The following THSD7B variants were observed in gnomAD, a reference collection of about 807,000 sequenced individuals.
The protein encoded by THSD7B is thrombospondin type 1 domain containing 7B.
In THSD7B, 138 loss-of-function variants were observed where a neutral mutation model predicts 213.6. The observed-to-expected ratio is 0.65, with a 90% CI of 0.56 to 0.74. The LOEUF is 0.74. Ranked by LOEUF, THSD7B falls within the 30% of genes least tolerant of loss-of-function variation. THSD7B has a pLI of 0.00. For synonymous variants in THSD7B, 742 were observed against 687.0 expected, an observed-to-expected ratio of 1.08 and a Z score of -1.25; for missense variants, 1,931 against 1,991.5, an observed-to-expected ratio of 0.97 and a Z score of 0.58.
At chr2:136,997,418 T>C (rs187621629) in intron 2 of THSD7B, among the ~76,000 whole-genome samples, 2 of 152,364 alleles carry the variant, frequency 1.3e-5, no homozygotes, top group Admixed American at 1.3e-4. Context: ...AGTTTTGTGC[T>C]TGATTTTGTA....
At chr2:137,441,419 T>C (rs1213320377) in intron 14 of THSD7B, among the ~76,000 whole-genome samples, 1 of 152,168 alleles carries the variant, frequency 6.6e-6, no homozygotes, top group Non-Finnish European at 1.5e-5. Flanking sequence ...TGGGGTTCAT[T>C]GTCTTCTTAA....
intron 1 of THSD7B, among the ~76,000 whole-genome samples, chr2:136,811,300 T>C (rs1392512717): frequency 6.6e-6 from 1 of 152,100 alleles, no homozygotes; most frequent in African/African-American, 2.4e-5. Context: ...GGGAGTAGCA[T>C]TTTTCTCATT....
intron 10 of THSD7B, among the ~76,000 whole-genome samples, chr2:137,269,673 G>T (rs1682689054): frequency 1.3e-5 from 2 of 152,120 alleles, no homozygotes; most frequent in African/African-American, 4.8e-5. Context: ...TGGGAGTAGG[G>T]GAAGAGACTT....
At chr2:137,494,458 G>A (rs1263258697) in intron 15 of THSD7B, among the ~76,000 whole-genome samples, 1 of 152,042 alleles carries the variant, frequency 6.6e-6, no homozygotes, top group East Asian at 1.9e-4. Flanking sequence ...AAAGATGATA[G>A]TTAGCTGAGA....
intron 2 of THSD7B, among the ~76,000 whole-genome samples, chr2:137,034,345 C>G (rs1162206312): frequency 6.6e-6 from 1 of 152,062 alleles, no homozygotes; most frequent in Admixed American, 6.5e-5. Context: ...ACCTCGTGAT[C>G]TGCCCGTCTC....
intron 5 of THSD7B, among the ~76,000 whole-genome samples, chr2:137,143,684 G>T (rs892874): frequency 0.53 from 79,995 of 151,910 alleles, 22,780 homozygotes; most frequent in African/African-American, 0.72. Flanking sequence ...CAAGTAAATT[G>T]AACACGCTGA....
At position 137,212,007 on chromosome 2, in the gene THSD7B, G is replaced by T. The variant is rs771665252; in HGVS notation, c.1724-19037G>T. On this transcript the variant is annotated intron_variant, in intron 7 of 27. Coordinates refer to ENST00000409968, the MANE Select transcript of THSD7B (RefSeq NM_001316349.2). ...GCTAAATAAACAATAAACAAAGGGG[G>T]AATCCTAATGTGAATCACAACAATC... 3.4e-4 allele frequency among the ~76,000 whole-genome samples: 51 copies of T among 152,098 alleles called. No individual in the cohort carries two copies. In the Middle Eastern group the frequency reaches 0.021, roughly 61 times the overall value.
At chr2:137,083,082 A>G (rs1227386076) in intron 3 of THSD7B, among the ~76,000 whole-genome samples, 1 of 152,086 alleles carries the variant, frequency 6.6e-6, no homozygotes, top group Non-Finnish European at 1.5e-5. Context: ...TACCTTTTGA[A>G]AAGTTTAAAA....
chr2:137,480,278 A>G (rs1688277541), intron 15 of THSD7B, among the ~76,000 whole-genome samples: 1 of 152,174 alleles, frequency 6.6e-6, no homozygotes. Context: ...CATTTGGGAT[A>G]AGAACATGGT....
At chr2:137,416,457 A>G (rs890812795) in intron 14 of THSD7B, among the ~76,000 whole-genome samples, 1 of 152,152 alleles carries the variant, frequency 6.6e-6, no homozygotes, top group Admixed American at 6.5e-5. Flanking sequence ...TTTTTTTGTA[A>G]CACTACATTT....
At position 137,012,582 on chromosome 2, in the gene THSD7B, A is replaced by G. The variant is rs77648546; in HGVS notation, c.140-43838A>G. ...TTTGTCCAAATGCAGCTTATTCAGAATGTGTCTAGTTGTTCAGCAAGTTCA... is the reference window on the plus strand; with the variant it reads ...TTTGTCCAAATGCAGCTTATTCAGAGTGTGTCTAGTTGTTCAGCAAGTTCA... On this transcript the variant is annotated intron_variant, in intron 2 of 27. Transcript: ENST00000409968. 2.6e-5 allele frequency among the ~76,000 whole-genome samples: 4 copies of G among 152,342 alleles called. No homozygotes were observed. The East Asian group carries it at 7.7e-4, about 29-fold the overall frequency.
intron 2 of THSD7B, among the ~76,000 whole-genome samples, chr2:136,999,545 G>A (rs369473632): frequency 2.0e-5 from 3 of 150,242 alleles, no homozygotes; most frequent in South Asian, 2.1e-4. Flanking sequence ...ATTCACCCTC[G>A]GAATTTTTAA....
chr2:137,392,681 T>A (rs1360665261), intron 12 of THSD7B, among the ~76,000 whole-genome samples: 1 of 152,150 alleles, frequency 6.6e-6, no homozygotes, highest in East Asian at 1.9e-4. Flanking sequence ...GGTTGGATCA[T>A]CTTTTCTTTT....
intron 12 of THSD7B, among the ~76,000 whole-genome samples, chr2:137,349,248 C>T (rs1230262362): frequency 6.6e-6 from 1 of 151,632 alleles, no homozygotes; most frequent in Non-Finnish European, 1.5e-5. Context: ...CTAATGTTCC[C>T]TTTGGAAACA....
At chr2:136,945,845 A>G (rs1684927310) in intron 2 of THSD7B, among the ~76,000 whole-genome samples, 1 of 151,952 alleles carries the variant, frequency 6.6e-6, no homozygotes, top group South Asian at 2.1e-4. Context: ...TCTTCTCTAC[A>G]CTGTTTATTC....
At chr2:136,975,453 C>T (rs1685465759) in intron 2 of THSD7B, among the ~76,000 whole-genome samples, 1 of 152,114 alleles carries the variant, frequency 6.6e-6, no homozygotes, top group African/African-American at 2.4e-5. Flanking sequence ...ATGCTTTTCC[C>T]ATTGTTCATT....
intron 14 of THSD7B, among the ~76,000 whole-genome samples, chr2:137,429,311 T>C (rs1687123984): frequency 6.6e-6 from 1 of 152,192 alleles, no homozygotes; most frequent in South Asian, 2.1e-4. Context: ...TATATGTGAA[T>C]TATATCTCAG....
At chr2:136,929,566 A>G (rs1350063153) in intron 2 of THSD7B, among the ~76,000 whole-genome samples, 2 of 152,360 alleles carry the variant, frequency 1.3e-5, no homozygotes, top group Non-Finnish European at 2.9e-5. Flanking sequence ...GGAAATTTTC[A>G]TCACTCCTCA....
chr2:137,277,232 G>A (rs754616892), intron 12 of THSD7B, among the ~76,000 whole-genome samples: 1 of 151,984 alleles, frequency 6.6e-6, no homozygotes, highest in Non-Finnish European at 1.5e-5. Context: ...CAAGGATATT[G>A]TATGTAAATG....
Sources: allele counts gnomAD v4.1 joint callset (sites outside exome capture counted in the v4.1 genomes callset), GRCh38; gene constraint gnomAD v4.1.1; transcripts MANE v1.5; gene names NCBI Gene and HGNC (gene_info 2026-07-23, HGNC 2026-07-21).